Variants in STRBP observed in about 807,000 individuals in gnomAD.
STRBP encodes the protein spermatid perinuclear RNA-binding protein.
A neutral mutation model predicts 80.1 loss-of-function variants in STRBP; 13 were observed. The observed-to-expected ratio is 0.16, with a 90% CI of 0.11 to 0.26. The LOEUF (loss-of-function observed/expected upper bound fraction) is 0.26. Ranked by LOEUF, STRBP falls within the 10% of genes least tolerant of loss-of-function variation. STRBP has a pLI of 1.00. For missense variants in STRBP, 485 were observed against 815.2 expected (o/e 0.59, Z 4.93); for synonymous variants, 284 against 291.2 (o/e 0.98, Z 0.25).
chr9:123,136,545 A>G lies in STRBP; in HGVS notation c.1498-30T>C. On this transcript the variant is annotated intron_variant, in intron 14 of 18. Transcript: ENST00000348403. The surrounding 1 kb of genome is among the most constrained non-coding windows in gnomAD (Gnocchi z 4.2). Reference sequence around the variant, plus strand: ...AAGAGAAAGGGAATCTGAAGGTTCAATCAAGTAAGATTTTAGAATATTACA... The same window carrying G: ...AAGAGAAAGGGAATCTGAAGGTTCAGTCAAGTAAGATTTTAGAATATTACA... 6.2e-7 allele frequency: 1 copy of G among 1,603,584 alleles called. No individual in the cohort carries two copies. The highest frequency in any genetic ancestry group is 1.1e-5 in the South Asian group (1 of 89,016).
intron 14 of STRBP, among the ~76,000 whole-genome samples, chr9:123,137,707 C>T (rs887415259): frequency 9.2e-5 from 14 of 152,066 alleles, no homozygotes; most frequent in Non-Finnish European, 1.9e-4. Context: ...CATGCCCAGC[C>T]CAAAATATTA....
chr9:123,257,570 T>G (rs2041060980), intron 1 of STRBP, among the ~76,000 whole-genome samples: 1 of 152,234 alleles, frequency 6.6e-6, no homozygotes, highest in Non-Finnish European at 1.5e-5. Context: ...ATCCCAGGGC[T>G]TTGGGATACC....
chr9:123,183,028 A>C (rs3983861), intron 3 of STRBP, among the ~76,000 whole-genome samples: 1 of 17,968 alleles, frequency 5.6e-5, no homozygotes, highest in African/African-American at 7.8e-5. Flanking sequence ...AAAAAAAAAA[A>C]AAAAAAAAAA....
At position 123,171,133 on chromosome 9, in the gene STRBP, A is replaced by T. The variant is rs2037988658; in HGVS notation, c.391-1087T>A. Reference sequence around the variant, plus strand: ...TCATTTTGTCACTAAAAGAGCATTAAAGATGTCTATCAAAGAATAAATTGA... The same window carrying T: ...TCATTTTGTCACTAAAAGAGCATTATAGATGTCTATCAAAGAATAAATTGA... On this transcript the variant is annotated intron_variant, in intron 5 of 18. Transcript: ENST00000348403. Among the ~76,000 whole-genome samples the T allele has an allele frequency of 1.3e-5, 2 of 152,202 alleles. 1 individual carries two copies. Among genetic ancestry groups the T allele is most frequent in the Admixed American group, 1.3e-4 (2 of 15,274 alleles).
At chr9:123,168,544 C>G (rs1185109318) in intron 6 of STRBP, among the ~76,000 whole-genome samples, 2 of 152,324 alleles carry the variant, frequency 1.3e-5, no homozygotes, top group South Asian at 4.1e-4. Context: ...TTTACTGGTA[C>G]CTTTTTCTCT....
At chr9:123,134,318 C>T (rs933308892) in intron 16 of STRBP, among the ~76,000 whole-genome samples, 1 of 152,192 alleles carries the variant, frequency 6.6e-6, no homozygotes, top group Admixed American at 6.5e-5. Flanking sequence ...AGTCAGAATA[C>T]ATACACATTG....
At chr9:123,212,934 G>C (rs1486672043) in intron 2 of STRBP, among the ~76,000 whole-genome samples, 1 of 152,178 alleles carries the variant, frequency 6.6e-6, no homozygotes, top group Non-Finnish European at 1.5e-5. Flanking sequence ...AAATGGCAGA[G>C]ATTAAGTGCA....
intron 1 of STRBP, among the ~76,000 whole-genome samples, chr9:123,265,799 G>A (rs1483856892): frequency 1.3e-5 from 2 of 152,138 alleles, no homozygotes; most frequent in Admixed American, 6.5e-5. Flanking sequence ...CAAAATACCA[G>A]AGAATCCAAA....
intron 2 of STRBP, among the ~76,000 whole-genome samples, chr9:123,201,870 G>C (rs1041957268): frequency 5.3e-5 from 8 of 152,132 alleles, no homozygotes; most frequent in Admixed American, 1.3e-4. Context: ...CTATTGTTTT[G>C]CTGTCTATCT....
chr9:123,182,609 G>C (rs999305598), intron 3 of STRBP, among the ~76,000 whole-genome samples: 7 of 152,188 alleles, frequency 4.6e-5, no homozygotes, highest in African/African-American at 1.7e-4. Context: ...GTTAACATTT[G>C]TTCCCACAAT....
intron 1 of STRBP, among the ~76,000 whole-genome samples, chr9:123,254,225 G>T (rs4838036): frequency 0.38 from 57,121 of 151,896 alleles, 17,842 homozygotes; most frequent in African/African-American, 0.83. Context: ...AGACTGAAGG[G>T]CAAGAAATCT....
In STRBP at chr9:123,149,674, T is replaced by C. The variant is rs566588959; in HGVS notation, c.1046-1804A>G. On this transcript the variant is annotated intron_variant, in intron 11 of 18. Transcript: ENST00000348403. ...AATATCTAGTGATGAGAAGTGATCA[T>C]TTCTGAGGCAACAATTTTTAAAAAT... Among the ~76,000 whole-genome samples the C allele has an allele frequency of 2.4e-4, 36 of 152,346 alleles. No homozygotes were observed. In the South Asian group the frequency reaches 7.5e-3, roughly 32 times the overall value.
At chr9:123,223,416 T>C (rs1184824247) in intron 2 of STRBP, among the ~76,000 whole-genome samples, 1 of 152,120 alleles carries the variant, frequency 6.6e-6, no homozygotes, top group East Asian at 1.9e-4. Context: ...AACAGTAATG[T>C]AAGATGTTAA....
intron 1 of STRBP, among the ~76,000 whole-genome samples, chr9:123,263,350 C>T (rs768100627): frequency 6.2e-4 from 94 of 151,906 alleles, no homozygotes; most frequent in Non-Finnish European, 1.2e-3. Context: ...GACCTTGAGA[C>T]CTGGTCTCTA....
At chr9:123,200,271 T>C (rs1281616269) in intron 2 of STRBP, among the ~76,000 whole-genome samples, 2 of 152,240 alleles carry the variant, frequency 1.3e-5, no homozygotes, top group Non-Finnish European at 2.9e-5. Context: ...GAAACCCACT[T>C]GATCATGATC....
Position 123,136,878 on chromosome 9 carries a change from G to T in STRBP, c.1498-363C>A, listed in dbSNP as rs2036377245. Among the ~76,000 whole-genome samples the T allele has an allele frequency of 6.6e-6, 1 of 152,054 alleles. No homozygotes were observed. The highest frequency in any genetic ancestry group is 1.5e-5 in the Non-Finnish European group (1 of 68,014). ...AGTTTGGATTCACGTGATGCCTAAG[G>T]GTTCATCATTTTTCTTCTTTAGGGT... On this transcript the variant is annotated intron_variant, in intron 14 of 18. Coordinates refer to ENST00000348403, the MANE Select transcript of STRBP (RefSeq NM_018387.5). This position sits in a 1 kb window ranked among gnomAD's most constrained non-coding sequence, Gnocchi z 4.2.
chr9:123,228,942 C>T (rs117787260), intron 2 of STRBP, among the ~76,000 whole-genome samples: 90 of 152,276 alleles, frequency 5.9e-4, no homozygotes, highest in Non-Finnish European at 1.1e-3. Flanking sequence ...ACCTAAACGT[C>T]CATCGACTGA....
At chr9:123,174,604 T>C (rs2038141513) in intron 4 of STRBP, among the ~76,000 whole-genome samples, 2 of 152,348 alleles carry the variant, frequency 1.3e-5, no homozygotes, top group South Asian at 4.1e-4. Flanking sequence ...AAATGACTAT[T>C]GGCTAGATGA....
At chr9:123,245,596 T>G (rs1224977932) in intron 1 of STRBP, among the ~76,000 whole-genome samples, 2 of 152,164 alleles carry the variant, frequency 1.3e-5, no homozygotes, top group African/African-American at 4.8e-5. Flanking sequence ...TTAGCCAGGA[T>G]GGTCTCGATC....
Sources: allele counts gnomAD v4.1 joint callset (sites outside exome capture counted in the v4.1 genomes callset), GRCh38; gene constraint gnomAD v4.1.1; non-coding constraint Gnocchi (gnomAD v3.1); transcripts MANE v1.5; gene names NCBI Gene and HGNC (gene_info 2026-07-23, HGNC 2026-07-21).